Variants in ABCB10 observed in about 807,000 individuals in gnomAD.
ABCB10 encodes the protein ATP-binding cassette sub-family B member 10, mitochondrial.
Under a neutral mutation model 65.4 loss-of-function variants are expected in ABCB10, and 54 were observed. The observed-to-expected ratio is 0.83, with a 90% CI of 0.66 to 1.04. The LOEUF is 1.04. Among genes scored for constraint, ABCB10 ranks in the 50% least tolerant of loss-of-function variants. ABCB10 has a pLI of 0.00. For synonymous variants in ABCB10, 418 were observed against 406.5 expected, an observed-to-expected ratio of 1.03 and a Z score of -0.34; for missense variants, 846 against 976.6, an observed-to-expected ratio of 0.87 and a Z score of 1.78.
intron 4 of ABCB10, among the ~76,000 whole-genome samples, chr1:229,541,951 CAA>C (rs1180453323): frequency 2.9e-5 from 2 of 68,750 alleles, no homozygotes; most frequent in Non-Finnish European, 3.1e-5. Flanking sequence ...TACCTTGTCT[CAA>C]AAAAAAAAAA....
At position 229,530,137 on chromosome 1, in the gene ABCB10, C is replaced by T. The variant is rs145175826; in HGVS notation, c.1645+62G>A. On this transcript the variant is annotated intron_variant, in intron 8 of 12. Transcript: ENST00000344517. ...TGCATGGTTTGAGCATCTCCTAGGG[C>T]GCAAAAGTGGGAGCAGAGCTCGGGA... 328 of 1,536,246 alleles carry T rather than the reference C, an allele frequency of 2.1e-4. 1 individual carries two copies. The East Asian group carries it at 4.2e-3, about 20-fold the overall frequency.
At chr1:229,553,602 T>C (rs1263866882) in intron 1 of ABCB10, among the ~76,000 whole-genome samples, 1 of 151,780 alleles carries the variant, frequency 6.6e-6, no homozygotes, top group East Asian at 2.0e-4. Flanking sequence ...TGTGAGCATT[T>C]TTCCTCTCTG....
intron 11 of ABCB10, among the ~76,000 whole-genome samples, chr1:229,520,362 TG>T: frequency 6.6e-6 from 1 of 150,404 alleles, no homozygotes; most frequent in East Asian, 2.0e-4. Context: ...CCCAGCTACT[TG>T]GGAGGCTGAG....
At position 229,542,390 on chromosome 1, in the gene ABCB10, A is replaced by C. The variant is rs565363338; in HGVS notation, c.922-19T>G. On this transcript the variant is annotated intron_variant, in intron 3 of 12. Coordinates refer to ENST00000344517, the MANE Select transcript of ABCB10 (RefSeq NM_012089.3). The stretch of plus-strand genomic sequence containing the variant: ...CAAAAAACTGTCAAAAACAAAAAAA[A>C]ATTCAGAGGTGTTTGTTACATTGGG... 384 of 1,608,778 alleles carry C rather than the reference A, an allele frequency of 2.4e-4. No individual in the cohort carries two copies. The highest frequency in any genetic ancestry group is 3.1e-4 in the Non-Finnish European group (362 of 1,177,762).
intron 8 of ABCB10, among the ~76,000 whole-genome samples, chr1:229,529,586 C>T (rs1365795857): frequency 1.4e-5 from 2 of 139,952 alleles, no homozygotes; most frequent in African/African-American, 2.6e-5. Flanking sequence ...AGGAGAATGG[C>T]GGGAACCCAG....
intron 6 of ABCB10, chr1:229,531,945 T>C (rs1489680711): frequency 2.7e-5 from 9 of 334,000 alleles, no homozygotes; most frequent in East Asian, 1.0e-4. Flanking sequence ...TCCAGTTTCA[T>C]AGTTTTTTTT....
At chr1:229,546,213 TTAATAAA>T (rs1403035390) in intron 3 of ABCB10, among the ~76,000 whole-genome samples, 1 of 151,834 alleles carries the variant, frequency 6.6e-6, no homozygotes, top group Non-Finnish European at 1.5e-5. Context: ...CCACTTCCAC[TTAATAAA>T]TAATAAATAT....
chr1:229,530,329 T>C lies in ABCB10; in HGVS notation c.1515A>G (p.Pro505=). ...TGAAATCCTGAAATATGGGCACCTC[T>C]GGGCGAGCTGGATAGGCAAAATGCA... The part of the protein sequence containing the change: ...KNVHFAYPAR[P]EVPIFQDFSL... Residue 505 remains proline (P), a synonymous_variant, in exon 8 of 13, where the codon CCA becomes CCG. Transcript: ENST00000344517. 1 of 1,614,206 alleles carries C rather than the reference T, an allele frequency of 6.2e-7. No individual in the cohort carries two copies. The highest frequency in any genetic ancestry group is 2.2e-5 in the East Asian group (1 of 44,880).
At position 229,538,763 on chromosome 1, in the gene ABCB10, C is replaced by T. The variant is rs115930708; in HGVS notation, c.1339+693G>A. Among the ~76,000 whole-genome samples the T allele has an allele frequency of 4.7e-3, 721 of 152,262 alleles. 6 individuals are homozygous for T. Among genetic ancestry groups the T allele is most frequent in the African/African-American group, 0.017 (697 of 41,550 alleles). ...AAATAAAACTCTCTGGTTGAGGCAA[C>T]ACCATAGGATACCTGATAATGTTCC... On this transcript the variant is annotated intron_variant, in intron 6 of 12. Coordinates refer to ENST00000344517, the MANE Select transcript of ABCB10 (RefSeq NM_012089.3).
intron 10 of ABCB10, among the ~76,000 whole-genome samples, chr1:229,524,140 G>A (rs373386421): frequency 7.2e-5 from 11 of 151,930 alleles, no homozygotes; most frequent in Middle Eastern, 3.4e-3. Flanking sequence ...ACCACCCTCT[G>A]CTCAAACAGA....
intron 10 of ABCB10, among the ~76,000 whole-genome samples, chr1:229,523,494 A>C (rs902743697): frequency 6.6e-6 from 1 of 152,168 alleles, no homozygotes. Context: ...ATGCTGCTCT[A>C]AACAGGAAAC....
intron 6 of ABCB10, 129 bp downstream of exon 6, chr1:229,539,327 A>G (rs762660395): frequency 3.1e-5 from 43 of 1,379,928 alleles, no homozygotes; most frequent in Non-Finnish European, 4.3e-5. Context: ...CCCAGTTGGA[A>G]TAATAACATT....
chr1:229,538,645 G>A (rs998396940), intron 6 of ABCB10, among the ~76,000 whole-genome samples: 2 of 152,130 alleles, frequency 1.3e-5, no homozygotes, highest in African/African-American at 4.8e-5. Flanking sequence ...AGGGGTCTCT[G>A]AAAATCTCAT....
intron 6 of ABCB10, 55 bp downstream of exon 6, chr1:229,539,401 A>T: frequency 6.3e-7 from 1 of 1,591,056 alleles, no homozygotes. Context: ...TCTCTTTCAG[A>T]AATGATGCTC....
intron 9 of ABCB10, among the ~76,000 whole-genome samples, chr1:229,526,328 C>T (rs1024669327): frequency 1.3e-5 from 2 of 152,164 alleles, no homozygotes; most frequent in Non-Finnish European, 2.9e-5. Context: ...AATGTCAGTC[C>T]CCTGCCTTAG....
At chr1:229,524,854 C>T (rs1474350148) in intron 10 of ABCB10, among the ~76,000 whole-genome samples, 2 of 151,928 alleles carry the variant, frequency 1.3e-5, no homozygotes, top group African/African-American at 4.8e-5. Context: ...CCATAAAACC[C>T]ACAATTTTTT....
chr1:229,544,188 CG>C (rs1230247716), intron 3 of ABCB10, among the ~76,000 whole-genome samples: 1 of 152,042 alleles, frequency 6.6e-6, no homozygotes, highest in Admixed American at 6.6e-5. Context: ...CTGAGGCAGG[CG>C]GATCGCTTGA....
chr1:229,525,989 T>C lies in ABCB10; in HGVS notation c.1853A>G (p.Asn618Ser). The C allele has an allele frequency of 1.9e-6, 3 of 1,614,184 alleles. No homozygotes were observed. The highest frequency in any genetic ancestry group is 2.5e-6 in the Non-Finnish European group (3 of 1,180,034). ...EVANAVAFIR[N>S]FPQGFNTVVG... ...CACAGTGTTGAACCCTTGGGGGAAA[T>C]TCCGGATGAAGGCCACTGCATTGGC... The change falls in exon 10 of 13, where the codon AAT becomes AGT. Residue 618 changes from asparagine to serine, a missense_variant. By Grantham distance (46) the Asn-to-Ser change is conservative. This residue lies in a region of ABCB10 where 632 missense variants were observed against 803.2 expected (regional missense o/e 0.79). Coordinates refer to ENST00000344517, the MANE Select transcript of ABCB10 (RefSeq NM_012089.3).
chr1:229,558,319 G>A lies in ABCB10; in HGVS notation c.334C>T (p.Arg112Trp). 1.6e-6 allele frequency: 2 copies of A among 1,249,508 alleles called. No individual in the cohort carries two copies. Among genetic ancestry groups the A allele is most frequent in the Non-Finnish European group, 2.0e-6 (2 of 990,122 alleles). 77.4% of individuals were successfully genotyped at this position (1,249,508 alleles called of 1,614,324 possible). Residue 112 changes from arginine to tryptophan, a missense_variant, in exon 1 of 13, where the codon CGG becomes TGG. Transcript: ENST00000344517. ...CCCGGGAACCGGGCGCGCGGGAGCC[G>A]AGGAGCGCCTGGCCCGGCAAAAGCC... ...CGAFAGPGAP[R>W]LPRARFPGGP...
Sources: gnomAD v4.1 joint callset for allele counts (sites outside exome capture counted in the v4.1 genomes callset) on GRCh38, gnomAD v4.1.1 for gene constraint, gnomAD v4.1.1 regional missense constraint, MANE v1.5 for transcripts, NCBI Gene and HGNC (gene_info 2026-07-23, HGNC 2026-07-21) for gene names.